The following EDNRA variants were observed in gnomAD, a reference collection of about 807,000 sequenced individuals.
The protein encoded by EDNRA is endothelin-1 receptor.
In EDNRA, 11 loss-of-function variants were observed where a neutral mutation model predicts 41.4. That is an observed-to-expected ratio of 0.27 (90% confidence interval 0.17 to 0.44). EDNRA has a LOEUF of 0.44. Among genes scored for constraint, EDNRA ranks in the 20% least tolerant of loss-of-function variants. The pLI, the probability that EDNRA is intolerant of heterozygous loss-of-function variation, is 1.00. For missense variants in EDNRA, 294 were observed against 531.0 expected, an observed-to-expected ratio of 0.55 and a Z score of 4.39; for synonymous variants, 172 against 183.0, an observed-to-expected ratio of 0.94 and a Z score of 0.49.
chr4:147,520,123 G>GT (rs771928535), intron 3 of EDNRA, 145 bp downstream of exon 3: 6 of 1,127,402 alleles, frequency 5.3e-6, no homozygotes, highest in Non-Finnish European at 7.5e-6. Context: ...TGCCTTTGCT[G>GT]TTTAGAATTG....
chr4:147,514,988 G>A (rs1363427595), intron 2 of EDNRA, among the ~76,000 whole-genome samples: 1 of 152,142 alleles, frequency 6.6e-6, no homozygotes, highest in Non-Finnish European at 1.5e-5. Context: ...CAGGAACTCT[G>A]GGGATGGGGC....
chr4:147,494,087 G>A (rs1729227699), intron 2 of EDNRA: 1 of 152,144 alleles, frequency 6.6e-6, no homozygotes, highest in South Asian at 2.1e-4. Context: ...CCCTAAACAT[G>A]AGACTCCTGT....
At chr4:147,495,271 C>CA (rs1267855225) in intron 2 of EDNRA, 1 of 152,198 alleles carries the variant, frequency 6.6e-6, no homozygotes, top group Non-Finnish European at 1.5e-5. Flanking sequence ...TGTTCTTCCA[C>CA]ACACCTCGTA....
chr4:147,499,568 C>G (rs1729436809), intron 2 of EDNRA, among the ~76,000 whole-genome samples: 1 of 152,192 alleles, frequency 6.6e-6, no homozygotes, highest in Non-Finnish European at 1.5e-5. Flanking sequence ...CCACAATTCA[C>G]ATGTTTTCTA....
intron 7 of EDNRA, 115 bp from the exon 8 acceptor site, chr4:147,542,363 C>G: frequency 6.9e-7 from 1 of 1,453,110 alleles, no homozygotes; most frequent in Non-Finnish European, 9.3e-7. Context: ...TCAAGGTTCA[C>G]TTCCCTCGAA....
chr4:147,527,574 A>C (rs1462688315), intron 3 of EDNRA, among the ~76,000 whole-genome samples: 1 of 152,160 alleles, frequency 6.6e-6, no homozygotes, highest in East Asian at 1.9e-4. Context: ...AATTTGTTTT[A>C]TTTTATAATG....
chr4:147,486,233 T>C lies in EDNRA; in HGVS notation c.420+132T>C. 1 of 970,662 alleles carries C rather than the reference T, an allele frequency of 1.0e-6. No individual in the cohort carries two copies. Among genetic ancestry groups the C allele is most frequent in the Non-Finnish European group, 1.5e-6 (1 of 674,048 alleles). 60.1% of individuals were successfully genotyped at this position (970,662 alleles called of 1,614,324 possible). On this transcript the variant is annotated intron_variant, in intron 2 of 7. Coordinates refer to ENST00000651419, the MANE Select transcript of EDNRA (RefSeq NM_001957.4). The surrounding 1 kb of genome is among the most constrained non-coding windows in gnomAD (Gnocchi z 4.3). ...ACTGAGAGCTATTTCTGCTGTCTTCTAACTACTAGTTTTAAGATTTACAAA... is the reference window on the plus strand; with the variant it reads ...ACTGAGAGCTATTTCTGCTGTCTTCCAACTACTAGTTTTAAGATTTACAAA...
At chr4:147,498,446 C>T (rs1379679807) in intron 2 of EDNRA, among the ~76,000 whole-genome samples, 2 of 152,156 alleles carry the variant, frequency 1.3e-5, no homozygotes, top group East Asian at 1.9e-4. Flanking sequence ...TTCGCTCACC[C>T]AGGGCCCAGC....
In EDNRA at chr4:147,519,779, A is replaced by T; in HGVS notation, c.421-72A>T. On this transcript the variant is annotated intron_variant, in intron 2 of 7. Transcript: ENST00000651419. This position sits in a 1 kb window ranked among gnomAD's most constrained non-coding sequence, Gnocchi z 4.1. ...TAAAATTTAGAAGTTGGGACGCATAACTAAAACTGTAAGTGCCCACATGCT... is the reference window on the plus strand; with the variant it reads ...TAAAATTTAGAAGTTGGGACGCATATCTAAAACTGTAAGTGCCCACATGCT... 6.5e-7 allele frequency: 1 copy of T among 1,540,900 alleles called. No individual in the cohort carries two copies. The highest frequency in any genetic ancestry group is 1.2e-5 in the South Asian group (1 of 80,684).
intron 3 of EDNRA, among the ~76,000 whole-genome samples, chr4:147,530,345 G>A (rs144259451): frequency 1.3e-5 from 2 of 152,050 alleles, no homozygotes; most frequent in African/African-American, 4.8e-5. Context: ...AGCTTTACTG[G>A]GTATCAGGCT....
chr4:147,525,017 T>C (rs1254909433), intron 3 of EDNRA, among the ~76,000 whole-genome samples: 2 of 152,218 alleles, frequency 1.3e-5, no homozygotes, highest in Non-Finnish European at 2.9e-5. Context: ...GCTGAATAAA[T>C]TATGGCCCAG....
At chr4:147,488,874 T>G (rs1374745762) in intron 2 of EDNRA, 1 of 152,194 alleles carries the variant, frequency 6.6e-6, no homozygotes, top group African/African-American at 2.4e-5. Flanking sequence ...TGTCACATAT[T>G]AAACCTATAG....
At chr4:147,493,465 C>T (rs1284849324) in intron 2 of EDNRA, 3 of 151,862 alleles carry the variant, frequency 2.0e-5, no homozygotes, top group Admixed American at 6.6e-5. Context: ...AGTGTGTTGT[C>T]GCTGAAGTTG....
intron 2 of EDNRA, chr4:147,506,414 G>T: frequency 2.5e-6 from 1 of 396,338 alleles, no homozygotes. Context: ...TAAAAAGATT[G>T]CAAATAGAGG....
chr4:147,529,296 G>T (rs1423711378), intron 3 of EDNRA, among the ~76,000 whole-genome samples: 1 of 152,132 alleles, frequency 6.6e-6, no homozygotes, highest in African/African-American at 2.4e-5. Flanking sequence ...TCGCAAGTAG[G>T]CAGTTGGAGG....
intron 1 of EDNRA, among the ~76,000 whole-genome samples, chr4:147,481,626 AC>A (rs2126359092): frequency 6.6e-6 from 1 of 152,272 alleles, no homozygotes; most frequent in South Asian, 2.1e-4. Flanking sequence ...TCACCTCTCC[AC>A]GTTAGGGTTT....
rs150643337 is a variant in EDNRA, at chr4:147,519,153, A to T, written c.421-698A>T. On this transcript the variant is annotated intron_variant, in intron 2 of 7. Coordinates refer to ENST00000651419, the MANE Select transcript of EDNRA (RefSeq NM_001957.4). This position sits in a 1 kb window ranked among gnomAD's most constrained non-coding sequence, Gnocchi z 4.1. ...ATAGTAAGGGGAAGTTTGAGCCTAA[A>T]TAGAGAAAAGCCACTTACATCACAT... 2.3e-3 allele frequency among the ~76,000 whole-genome samples: 350 copies of T among 152,340 alleles called. 2 individuals are homozygous for T. Among genetic ancestry groups the T allele is most frequent in the East Asian group, 0.016 (82 of 5,188 alleles).
chr4:147,498,191 T>C lies in EDNRA; in HGVS notation c.420+12090T>C, dbSNP rs78952641. Among the ~76,000 whole-genome samples, 28 of 152,362 alleles carry C rather than the reference T, an allele frequency of 1.8e-4. No individual in the cohort carries two copies. The East Asian group carries it at 5.4e-3, about 29-fold the overall frequency. ...GGAAGTCATTCAGAACTCTGTGAAA[T>C]GTCTGAGCACTGCATTTTTGCAATC... On this transcript the variant is annotated intron_variant, in intron 2 of 7. Transcript: ENST00000651419.
chr4:147,525,030 CAA>C (rs1194072720), intron 3 of EDNRA, among the ~76,000 whole-genome samples: 1 of 152,154 alleles, frequency 6.6e-6, no homozygotes, highest in African/African-American at 2.4e-5. Flanking sequence ...TGGCCCAGGA[CAA>C]AGAGTTCCCA....
Sources: gnomAD v4.1 joint callset for allele counts (sites outside exome capture counted in the v4.1 genomes callset) on GRCh38, gnomAD v4.1.1 for gene constraint, Gnocchi (gnomAD v3.1) non-coding constraint, MANE v1.5 for transcripts, NCBI Gene and HGNC (gene_info 2026-07-23, HGNC 2026-07-21) for gene names.